The following UBASH3B variants were observed in gnomAD, a reference collection of about 807,000 sequenced individuals.
UBASH3B encodes ubiquitin-associated and SH3 domain-containing protein B.
A neutral mutation model predicts 83.4 loss-of-function variants in UBASH3B; 37 were observed. The ratio of observed to expected loss-of-function variants is 0.44; its 90% confidence interval spans 0.34 to 0.58. The LOEUF is 0.58. Ranked by LOEUF, UBASH3B falls within the 20% of genes least tolerant of loss-of-function variation. The pLI is 0.01. For missense variants in UBASH3B, 657 were observed against 827.2 expected (o/e 0.79, Z 2.52); for synonymous variants, 304 against 318.3 (o/e 0.96, Z 0.48).
intron 1 of UBASH3B, among the ~76,000 whole-genome samples, chr11:122,733,056 G>T (rs2135954427): frequency 6.6e-6 from 1 of 152,264 alleles, no homozygotes; most frequent in Middle Eastern, 3.4e-3. Context: ...CCACCCAACT[G>T]GTCATATAAT....
intron 1 of UBASH3B, among the ~76,000 whole-genome samples, chr11:122,663,525 A>G (rs1863474969): frequency 6.6e-6 from 1 of 152,180 alleles, no homozygotes; most frequent in Non-Finnish European, 1.5e-5. Context: ...GGGAGTGGAC[A>G]GTCATTCGCA....
At chr11:122,744,737 G>A (rs1183941183) in intron 1 of UBASH3B, among the ~76,000 whole-genome samples, 2 of 152,132 alleles carry the variant, frequency 1.3e-5, no homozygotes, top group African/African-American at 4.8e-5. Flanking sequence ...AGTGTTTTGT[G>A]TGTGATTGTG....
intron 11 of UBASH3B, among the ~76,000 whole-genome samples, chr11:122,804,806 G>A (rs915538667): frequency 6.6e-6 from 1 of 152,182 alleles, no homozygotes; most frequent in African/African-American, 2.4e-5. Context: ...ACCCAGCAGT[G>A]AAAGACAAAA....
chr11:122,808,157 T>C lies in UBASH3B; in HGVS notation c.1793T>C (p.Phe598Ser). The change falls in exon 13 of 14, where the codon TTC becomes TCC. Residue 598 changes from phenylalanine to serine, a missense_variant. Coordinates refer to ENST00000284273, the MANE Select transcript of UBASH3B (RefSeq NM_032873.5). ...CTGTCACCTCAGAACTCCAAGGACT[T>C]CGTACAAATGGTCCGAAAGGTAATT... ...QGLSPQNSKD[F>S]VQMVRKIPYL... 1 of 1,614,156 alleles carries C rather than the reference T, an allele frequency of 6.2e-7. No individual in the cohort carries two copies. Among genetic ancestry groups the C allele is most frequent in the Non-Finnish European group, 8.5e-7 (1 of 1,179,992 alleles).
At chr11:122,762,874 A>T (rs564316714) in intron 1 of UBASH3B, among the ~76,000 whole-genome samples, 1 of 152,388 alleles carries the variant, frequency 6.6e-6, no homozygotes, top group East Asian at 1.9e-4. Flanking sequence ...TTATTCCAGG[A>T]AAATTGCAAA....
At chr11:122,714,334 A>G (rs545104677) in intron 1 of UBASH3B, among the ~76,000 whole-genome samples, 2 of 152,328 alleles carry the variant, frequency 1.3e-5, no homozygotes, top group African/African-American at 4.8e-5. Flanking sequence ...ACTACCTTAC[A>G]AGGCCATTCA....
chr11:122,801,004 A>C (rs965894011), intron 10 of UBASH3B, among the ~76,000 whole-genome samples, 184 bp from the exon 11 acceptor site: 1 of 152,166 alleles, frequency 6.6e-6, no homozygotes, highest in African/African-American at 2.4e-5. Context: ...AGGAGTATTA[A>C]ACTCATGTAT....
intron 8 of UBASH3B, 143 bp from the exon 9 acceptor site, chr11:122,796,768 T>C: frequency 9.2e-7 from 1 of 1,091,072 alleles, no homozygotes; most frequent in Non-Finnish European, 1.3e-6. Flanking sequence ...ATGTCAGCCT[T>C]GATATTTTCT....
chr11:122,656,626 G>C (rs542169771), intron 1 of UBASH3B, among the ~76,000 whole-genome samples: 43 of 152,320 alleles, frequency 2.8e-4, no homozygotes, highest in African/African-American at 9.6e-4. Flanking sequence ...GGGCTGGTCT[G>C]GGATCCTCCG....
chr11:122,703,983 A>T (rs577609419), intron 1 of UBASH3B, among the ~76,000 whole-genome samples: 1 of 152,340 alleles, frequency 6.6e-6, no homozygotes, highest in East Asian at 1.9e-4. Context: ...CACTGTCTCC[A>T]AGGTGCTAAT....
At position 122,796,914 on chromosome 11, in the gene UBASH3B, G is replaced by A. The variant is rs534571971; in HGVS notation, c.1238G>A (p.Arg413His). The A allele has an allele frequency of 6.6e-5, 106 of 1,614,048 alleles. No individual in the cohort carries two copies. In the Admixed American group the frequency reaches 1.5e-3, roughly 23 times the overall value. ...GTCTAACCTCTTTGTTTTTCAGGCC[G>A]CTACATACGCACCAACCTGAACATG... ...WLSQCFDAKGRYIRTNLNMPH... is the reference protein window; with the variant it reads ...WLSQCFDAKGHYIRTNLNMPH... Residue 413 changes from arginine to histidine, a missense_variant, in exon 9 of 14, where the codon CGC (arginine) becomes CAC (histidine). Physicochemically the swap from Arg to His is conservative, Grantham distance 29 (BLOSUM62 0). Around this residue, in one of 3 missense-constraint regions of UBASH3B, gnomAD observed 573 missense variants for 739.0 expected, o/e 0.78. Transcript: ENST00000284273.
At chr11:122,802,313 G>GAAAAAAA (rs147011358) in intron 11 of UBASH3B, among the ~76,000 whole-genome samples, 1 of 66,218 alleles carries the variant, frequency 1.5e-5, no homozygotes, top group African/African-American at 5.2e-5. Flanking sequence ...GACTCTGTCT[G>GAAAAAAA]AAAAAAAAAA....
At chr11:122,802,014 A>T (rs1861265825) in intron 11 of UBASH3B, among the ~76,000 whole-genome samples, 1 of 152,200 alleles carries the variant, frequency 6.6e-6, no homozygotes, top group African/African-American at 2.4e-5. Context: ...CTGCATGTAT[A>T]CAATTAAGAA....
At chr11:122,713,278 G>A (rs979799129) in intron 1 of UBASH3B, among the ~76,000 whole-genome samples, 5 of 152,102 alleles carry the variant, frequency 3.3e-5, no homozygotes, top group African/African-American at 1.2e-4. Context: ...GCACACAGGA[G>A]GTGCACTGTA....
intron 1 of UBASH3B, among the ~76,000 whole-genome samples, chr11:122,691,064 G>T (rs1169218183): frequency 6.6e-6 from 1 of 152,138 alleles, no homozygotes. Context: ...CTCCCCCTGG[G>T]TTATGCTCAT....
intron 3 of UBASH3B, chr11:122,779,253 C>A: frequency 1.8e-6 from 1 of 563,956 alleles, no homozygotes; most frequent in Non-Finnish European, 3.2e-6. Flanking sequence ...TTCACGGGGG[C>A]CACTTCACAG....
At chr11:122,695,078 C>T (rs1022318383) in intron 1 of UBASH3B, among the ~76,000 whole-genome samples, 1 of 143,092 alleles carries the variant, frequency 7.0e-6, no homozygotes, top group African/African-American at 2.6e-5. Flanking sequence ...ATTCTCCTGT[C>T]TCAGCCTCCC....
At chr11:122,672,532 G>A (rs1181207057) in intron 1 of UBASH3B, among the ~76,000 whole-genome samples, 1 of 152,068 alleles carries the variant, frequency 6.6e-6, no homozygotes, top group Non-Finnish European at 1.5e-5. Flanking sequence ...CACCATGTTG[G>A]CCAGGCTGAT....
chr11:122,688,863 G>C (rs1027829068), intron 1 of UBASH3B, among the ~76,000 whole-genome samples: 3 of 151,838 alleles, frequency 2.0e-5, no homozygotes, highest in South Asian at 2.1e-4. Context: ...CCAGGATGGT[G>C]TCGATCTCCT....
Sources: allele counts gnomAD v4.1 joint callset (sites outside exome capture counted in the v4.1 genomes callset), GRCh38; gene constraint gnomAD v4.1.1; regional missense constraint gnomAD v4.1.1; transcripts MANE v1.5; gene names NCBI Gene and HGNC (gene_info 2026-07-23, HGNC 2026-07-21).